Variants in LHCGR observed in about 807,000 individuals in gnomAD.
LHCGR encodes the protein luteinizing hormone/choriogonadotropin receptor.
LHCGR carries 55 observed loss-of-function variants against 60.7 expected under a neutral mutation model. The observed-to-expected ratio is 0.91, with a 90% CI of 0.73 to 1.13. The LOEUF is 1.13. Ranked by LOEUF, LHCGR falls within the 50% of genes most tolerant of loss-of-function variation. The pLI, the probability that LHCGR is intolerant of heterozygous loss-of-function variation, is 0.00. For missense variants in LHCGR, 862 were observed against 836.0 expected (o/e 1.03, Z -0.38); for synonymous variants, 337 against 316.5 (o/e 1.06, Z -0.69).
intron 1 of LHCGR, among the ~76,000 whole-genome samples, chr2:48,731,691 G>T (rs979479133): frequency 2.6e-5 from 4 of 152,174 alleles, no homozygotes; most frequent in Admixed American, 6.5e-5. Flanking sequence ...GATAATCCAT[G>T]TAAAGAACAG....
intron 9 of LHCGR, 89 bp downstream of exon 9, chr2:48,698,526 G>C: frequency 9.8e-7 from 1 of 1,024,810 alleles, no homozygotes; most frequent in South Asian, 1.3e-5. Context: ...AGGGAGTGAA[G>C]GGGAGTGGAG....
intron 1 of LHCGR, among the ~76,000 whole-genome samples, chr2:48,740,899 C>T (rs562444817): frequency 9.2e-5 from 14 of 152,136 alleles, no homozygotes; most frequent in African/African-American, 2.7e-4. Context: ...CTCCGAGCTA[C>T]GGGAGGACAT....
chr2:48,693,503 G>C (rs560640416), intron 10 of LHCGR, among the ~76,000 whole-genome samples: 1 of 152,294 alleles, frequency 6.6e-6, no homozygotes, highest in Admixed American at 6.5e-5. Flanking sequence ...GAAAAGAAGA[G>C]AAAATTTCAG....
intron 9 of LHCGR, among the ~76,000 whole-genome samples, chr2:48,697,331 ACT>A (rs1306148121): frequency 2.0e-5 from 3 of 152,088 alleles, no homozygotes; most frequent in Non-Finnish European, 4.4e-5. Context: ...CTCCCAGAAC[ACT>A]CTGCTCTGTT....
At chr2:48,707,241 A>G (rs1317190500) in intron 8 of LHCGR, among the ~76,000 whole-genome samples, 1 of 152,214 alleles carries the variant, frequency 6.6e-6, no homozygotes, top group Admixed American at 6.5e-5. Context: ...GACAGCAAGT[A>G]TTGCTGACTG....
chr2:48,708,254 G>A (rs187310613), intron 8 of LHCGR, among the ~76,000 whole-genome samples: 140 of 152,216 alleles, frequency 9.2e-4, no homozygotes, highest in Non-Finnish European at 1.1e-3. Context: ...GCTCAGCCCC[G>A]TCCAACCAAG....
intron 9 of LHCGR, among the ~76,000 whole-genome samples, chr2:48,696,190 C>T (rs1667107817): frequency 6.6e-6 from 1 of 152,204 alleles, no homozygotes; most frequent in Non-Finnish European, 1.5e-5. Context: ...AAATTTGCAT[C>T]TTCTCTGATG....
intron 1 of LHCGR, among the ~76,000 whole-genome samples, chr2:48,741,863 G>C (rs1350697451): frequency 6.6e-6 from 1 of 151,038 alleles, no homozygotes; most frequent in South Asian, 2.1e-4. Flanking sequence ...AATGTAAATG[G>C]ACTAAATGCT....
At chr2:48,745,303 C>T (rs1373644963) in intron 1 of LHCGR, among the ~76,000 whole-genome samples, 1 of 152,178 alleles carries the variant, frequency 6.6e-6, no homozygotes, top group African/African-American at 2.4e-5. Flanking sequence ...CCTCAGGGAT[C>T]TAGAATTAGA....
intron 9 of LHCGR, among the ~76,000 whole-genome samples, chr2:48,697,781 G>A (rs370440580): frequency 6.6e-6 from 1 of 151,954 alleles, no homozygotes; most frequent in East Asian, 1.9e-4. Flanking sequence ...GTGACCCATT[G>A]GTGGGTCATG....
At chr2:48,719,959 C>T (rs1558857837) in intron 6 of LHCGR, 1 of 152,260 alleles carries the variant, frequency 6.6e-6, no homozygotes, top group East Asian at 1.9e-4. Flanking sequence ...CAGCAGAGAA[C>T]AAGTGCCAGG....
chr2:48,721,271 G>A (rs1572861550), intron 6 of LHCGR: 1 of 158,252 alleles, frequency 6.3e-6, no homozygotes, highest in African/African-American at 2.4e-5. Context: ...CTTGTTTTTG[G>A]TGGGGGACAT....
intron 1 of LHCGR, among the ~76,000 whole-genome samples, chr2:48,748,495 A>T (rs1364045443): frequency 6.6e-6 from 1 of 152,214 alleles, no homozygotes; most frequent in South Asian, 2.1e-4. Flanking sequence ...ACTCAAGGCA[A>T]TAATGAGCTC....
chr2:48,718,213 TTACAA>T (rs527377903), intron 6 of LHCGR, among the ~76,000 whole-genome samples: 185 of 152,298 alleles, frequency 1.2e-3, no homozygotes, highest in African/African-American at 4.2e-3. Flanking sequence ...AACTTCTCTA[TTACAA>T]TAGCTGTACC....
At chr2:48,745,461 G>C (rs1181616470) in intron 1 of LHCGR, among the ~76,000 whole-genome samples, 1 of 152,044 alleles carries the variant, frequency 6.6e-6, no homozygotes, top group Non-Finnish European at 1.5e-5. Context: ...GTCCAACAAT[G>C]ATAGACTGGA....
In LHCGR at chr2:48,714,007, T is replaced by A. The variant is rs900261458; in HGVS notation, c.584A>T (p.Asn195Ile). ...TTACAGTGAAGTCAGTGTCGTCCCA[T>A]TGAATGCATGACTTTGTACTTCTTC... The part of the protein sequence containing the change: ...GFEEVQSHAF[N>I]GTTLTSLELK... The change falls in exon 7 of 11, where the codon AAT becomes ATT. Residue 195 changes from asparagine to isoleucine, a missense_variant. By Grantham distance (149) the Asn-to-Ile change is moderately radical (BLOSUM62 -3). Coordinates refer to ENST00000294954, the MANE Select transcript of LHCGR (RefSeq NM_000233.4). The A allele has an allele frequency of 6.2e-7, 1 of 1,612,330 alleles. No homozygotes were observed. The highest frequency in any genetic ancestry group is 1.7e-4 in the Middle Eastern group (1 of 6,060).
At chr2:48,730,921 A>G (rs925755938) in intron 2 of LHCGR, among the ~76,000 whole-genome samples, 7 of 152,190 alleles carry the variant, frequency 4.6e-5, no homozygotes, top group African/African-American at 1.7e-4. Flanking sequence ...TAGCTGCTCT[A>G]GCAGAAGGAG....
chr2:48,729,024 C>T (rs765697397), intron 3 of LHCGR, 129 bp downstream of exon 3: 7 of 803,338 alleles, frequency 8.7e-6, no homozygotes, highest in African/African-American at 1.7e-5. Flanking sequence ...CCTGCCCAGA[C>T]CTAGTAATTG....
intron 8 of LHCGR, among the ~76,000 whole-genome samples, chr2:48,708,309 G>T (rs1337406783): frequency 6.6e-6 from 1 of 152,104 alleles, no homozygotes; most frequent in South Asian, 2.1e-4. Context: ...CCCATGAGTG[G>T]ATTCCAGGTG....
Sources: allele counts gnomAD v4.1 joint callset (sites outside exome capture counted in the v4.1 genomes callset), GRCh38; gene constraint gnomAD v4.1.1; transcripts MANE v1.5; gene names NCBI Gene and HGNC (gene_info 2026-07-23, HGNC 2026-07-21).